Variants in MGAT4C observed in about 807,000 individuals in gnomAD.
MGAT4C encodes the protein MGAT4 family member C.
MGAT4C carries 19 observed loss-of-function variants against 40.1 expected under a neutral mutation model. That is an observed-to-expected ratio of 0.47 (90% CI 0.33 to 0.70). The LOEUF (loss-of-function observed/expected upper bound fraction) is 0.70. MGAT4C is among the 30% of genes least tolerant of loss of function. The pLI is 0.02. For missense variants in MGAT4C, 491 were observed against 563.2 expected, an observed-to-expected ratio of 0.87 and a Z score of 1.30; for synonymous variants, 181 against 187.1, an observed-to-expected ratio of 0.97 and a Z score of 0.27.
intron 4 of MGAT4C, among the ~76,000 whole-genome samples, chr12:86,328,884 T>C (rs1358685631): frequency 6.6e-6 from 1 of 150,952 alleles, no homozygotes; most frequent in East Asian, 2.0e-4. Flanking sequence ...GGTGGGCATA[T>C]CACGAGGTCA....
At chr12:86,558,184 T>C (rs1057256521) in intron 2 of MGAT4C, among the ~76,000 whole-genome samples, 1 of 152,038 alleles carries the variant, frequency 6.6e-6, no homozygotes, top group Admixed American at 6.6e-5. Flanking sequence ...AAAAGAAAGA[T>C]GAAGCCTGCT....
chr12:86,138,264 C>A (rs896501532), intron 1 of MGAT4C, among the ~76,000 whole-genome samples: 12 of 151,666 alleles, frequency 7.9e-5, no homozygotes, highest in Non-Finnish European at 1.5e-4. Context: ...CTCTATACCC[C>A]CTCCTTAGGC....
chr12:86,251,003 A>G (rs900374039), intron 1 of MGAT4C, among the ~76,000 whole-genome samples: 4 of 152,106 alleles, frequency 2.6e-5, no homozygotes, highest in Non-Finnish European at 4.4e-5. Flanking sequence ...AATGAAAACA[A>G]TGAAAATACT....
At chr12:86,371,542 A>G (rs921973814) in intron 3 of MGAT4C, among the ~76,000 whole-genome samples, 6 of 151,964 alleles carry the variant, frequency 3.9e-5, no homozygotes, top group African/African-American at 1.2e-4. Context: ...GACTGGCCTC[A>G]TGTGTTTTCA....
intron 4 of MGAT4C, among the ~76,000 whole-genome samples, chr12:86,280,806 CT>C (rs1953200261): frequency 6.6e-6 from 1 of 151,554 alleles, no homozygotes; most frequent in Admixed American, 6.6e-5. Context: ...ATTATCATCA[CT>C]TCAGTTTTCT....
At chr12:86,006,340 A>AT (rs956237066) in intron 2 of MGAT4C, among the ~76,000 whole-genome samples, 3 of 152,154 alleles carry the variant, frequency 2.0e-5, no homozygotes, top group South Asian at 2.1e-4. Flanking sequence ...CTAACCATTA[A>AT]TTTTTTTGTT....
intron 2 of MGAT4C, among the ~76,000 whole-genome samples, chr12:86,684,637 C>T (rs1359058260): frequency 6.6e-6 from 1 of 152,190 alleles, no homozygotes; most frequent in African/African-American, 2.4e-5. Flanking sequence ...AACTAATTTA[C>T]ACTTCCACCA....
intron 2 of MGAT4C, among the ~76,000 whole-genome samples, chr12:86,653,667 T>A (rs1963762898): frequency 6.6e-6 from 1 of 151,964 alleles, no homozygotes. Context: ...CTTTCTTGTA[T>A]AACAATAGTA....
At chr12:86,295,973 A>G (rs964189779) in intron 4 of MGAT4C, among the ~76,000 whole-genome samples, 1 of 146,126 alleles carries the variant, frequency 6.8e-6, no homozygotes, top group African/African-American at 2.6e-5. Flanking sequence ...AGCTAGATAC[A>G]GAGTGTCAAT....
intron 2 of MGAT4C, among the ~76,000 whole-genome samples, chr12:86,453,649 C>T (rs1957462714): frequency 6.6e-6 from 1 of 152,092 alleles, no homozygotes; most frequent in African/African-American, 2.4e-5. Flanking sequence ...TTTGTCTGGT[C>T]TTCATGTTTG....
At chr12:86,795,436 T>C (rs1317679944) in intron 1 of MGAT4C, among the ~76,000 whole-genome samples, 3 of 151,966 alleles carry the variant, frequency 2.0e-5, no homozygotes, top group Non-Finnish European at 4.4e-5. Flanking sequence ...ATTAGGCATA[T>C]TGTAGCAAAA....
At chr12:86,287,769 T>G (rs924787265) in intron 4 of MGAT4C, among the ~76,000 whole-genome samples, 2 of 152,216 alleles carry the variant, frequency 1.3e-5, no homozygotes, top group African/African-American at 4.8e-5. Context: ...TTTGGGTTGG[T>G]TCTAAATCTT....
chr12:86,351,447 T>C (rs186758384), intron 3 of MGAT4C, among the ~76,000 whole-genome samples: 3 of 152,062 alleles, frequency 2.0e-5, no homozygotes, highest in South Asian at 2.1e-4. Flanking sequence ...GGAGAGATTG[T>C]CAAATACATT....
At chr12:86,414,572 G>T (rs994056836) in intron 3 of MGAT4C, among the ~76,000 whole-genome samples, 3 of 135,654 alleles carry the variant, frequency 2.2e-5, no homozygotes, top group Non-Finnish European at 4.7e-5. Context: ...CCTACCTGTA[G>T]GTGTTTTAAA....
At chr12:86,161,069 A>T (rs1312188305) in intron 1 of MGAT4C, among the ~76,000 whole-genome samples, 1 of 152,118 alleles carries the variant, frequency 6.6e-6, no homozygotes, top group Non-Finnish European at 1.5e-5. Flanking sequence ...TTATTGTAAA[A>T]ATGGCCATGC....
intron 2 of MGAT4C, among the ~76,000 whole-genome samples, chr12:86,490,784 T>C (rs1301802695): frequency 1.3e-5 from 2 of 151,930 alleles, no homozygotes; most frequent in African/African-American, 2.4e-5. Flanking sequence ...TAAAACAGAC[T>C]TTAAACCAAC....
At chr12:86,190,417 TAAC>T (rs1889253980) in intron 1 of MGAT4C, among the ~76,000 whole-genome samples, 1 of 152,128 alleles carries the variant, frequency 6.6e-6, no homozygotes. Flanking sequence ...AATATTCAAG[TAAC>T]AATAATAACC....
intron 1 of MGAT4C, among the ~76,000 whole-genome samples, chr12:86,128,974 CG>C (rs1880752201): frequency 6.6e-6 from 1 of 152,012 alleles, no homozygotes; most frequent in Non-Finnish European, 1.5e-5. Context: ...GAAGATCAGT[CG>C]GCTGTAAGTA....
intron 2 of MGAT4C, among the ~76,000 whole-genome samples, chr12:86,603,654 T>C (rs1961913228): frequency 7.9e-6 from 1 of 126,488 alleles, no homozygotes; most frequent in Non-Finnish European, 1.6e-5. Context: ...ATATATTATA[T>C]AGTCTATATT....
Sources: gnomAD v4.1 joint callset for allele counts (sites outside exome capture counted in the v4.1 genomes callset) on GRCh38, gnomAD v4.1.1 for gene constraint, MANE v1.5 for transcripts, NCBI Gene and HGNC (gene_info 2026-07-23, HGNC 2026-07-21) for gene names.